Variants in CAMTA1 observed in about 807,000 individuals in gnomAD.
The protein encoded by CAMTA1 is calmodulin binding transcription activator 1.
Under a neutral mutation model 170.9 loss-of-function variants are expected in CAMTA1, and 27 were observed. The ratio of observed to expected loss-of-function variants is 0.16; its 90% CI spans 0.12 to 0.22. The LOEUF is 0.22. CAMTA1 is among the 10% of genes least tolerant of loss of function. The probability of loss-of-function intolerance (pLI) is 1.00; values close to 1 mark genes in which losing one functional copy is unlikely to be tolerated. For missense variants in CAMTA1, 1,619 were observed against 2,217.2 expected (o/e 0.73, Z 5.42); for synonymous variants, 833 against 891.5 (o/e 0.93, Z 1.17).
At chr1:7,265,966 T>G (rs1668857488) in intron 5 of CAMTA1, among the ~76,000 whole-genome samples, 1 of 152,222 alleles carries the variant, frequency 6.6e-6, no homozygotes, top group Non-Finnish European at 1.5e-5. Flanking sequence ...GAAAGGCACC[T>G]GGGAGAACAA....
intron 4 of CAMTA1, among the ~76,000 whole-genome samples, chr1:7,142,590 G>A (rs1016322711): frequency 2.6e-5 from 4 of 152,168 alleles, no homozygotes; most frequent in South Asian, 2.1e-4. Context: ...TCATCCTTGC[G>A]GTAATGAGTG....
chr1:6,965,080 G>A lies in CAMTA1; in HGVS notation c.235-126224G>A, dbSNP rs1691280486. ...ACTTGCCTGACCCTCTCTTACTTGG[G>A]TGCATGGTGCTGGCAAGGAAGAAGC... On this transcript the variant is annotated intron_variant, in intron 3 of 22. Transcript: ENST00000303635. The surrounding 1 kb of genome is among the most constrained non-coding windows in gnomAD (Gnocchi z 4.1). 6.6e-6 allele frequency among the ~76,000 whole-genome samples: 1 copy of A among 152,212 alleles called. No homozygotes were observed.
chr1:7,131,322 G>A (rs1645239640), intron 4 of CAMTA1, among the ~76,000 whole-genome samples: 1 of 152,024 alleles, frequency 6.6e-6, no homozygotes, highest in Non-Finnish European at 1.5e-5. Flanking sequence ...AAAATTTGTT[G>A]ACTATTTTTT....
intron 3 of CAMTA1, among the ~76,000 whole-genome samples, chr1:7,000,364 G>A: frequency 6.6e-6 from 1 of 152,348 alleles, no homozygotes; most frequent in East Asian, 1.9e-4. Flanking sequence ...ACCAGCCCCT[G>A]CGTCAGCCAC....
At chr1:7,741,572 A>AG in intron 16 of CAMTA1, among the ~76,000 whole-genome samples, 1 of 152,032 alleles carries the variant, frequency 6.6e-6, no homozygotes, top group East Asian at 1.9e-4. Context: ...AAAAAAAAAA[A>AG]AATGTTAAGT....
At chr1:7,192,572 G>A in intron 4 of CAMTA1, among the ~76,000 whole-genome samples, 1 of 152,218 alleles carries the variant, frequency 6.6e-6, no homozygotes, top group East Asian at 1.9e-4. Context: ...AACTGTCTGT[G>A]CTTGTGGCCG....
At chr1:6,945,708 A>G (rs1687457110) in intron 3 of CAMTA1, among the ~76,000 whole-genome samples, 1 of 152,098 alleles carries the variant, frequency 6.6e-6, no homozygotes, top group African/African-American at 2.4e-5. Context: ...TTCTGTCTCT[A>G]TAGATTTGCC....
At chr1:7,040,392 T>C (rs1704256913) in intron 3 of CAMTA1, among the ~76,000 whole-genome samples, 1 of 152,212 alleles carries the variant, frequency 6.6e-6, no homozygotes, top group Non-Finnish European at 1.5e-5. Context: ...TGACGGACTG[T>C]AATGGTTGCT....
chr1:6,910,864 C>T (rs1014324634), intron 3 of CAMTA1, among the ~76,000 whole-genome samples: 1 of 152,222 alleles, frequency 6.6e-6, no homozygotes, highest in African/African-American at 2.4e-5. Context: ...TGGACTTCAG[C>T]AGCTCAGAAC....
Position 7,426,044 on chromosome 1 carries a change from C to T in CAMTA1, c.439-41786C>T, listed in dbSNP as rs939790877. On this transcript the variant is annotated intron_variant, in intron 5 of 22. Coordinates refer to ENST00000303635, the MANE Select transcript of CAMTA1 (RefSeq NM_015215.4). The surrounding 1 kb of genome is among the most constrained non-coding windows in gnomAD (Gnocchi z 4.8). ...CATGCTTGAGATCACAGGTGAGCTG[C>T]GGTCCTGGAAAAGGTGGCAGGGTAG... Among the ~76,000 whole-genome samples, 1 of 152,330 alleles carries T rather than the reference C, an allele frequency of 6.6e-6. No homozygotes were observed. Among genetic ancestry groups the T allele is most frequent in the Middle Eastern group, 3.4e-3 (1 of 294 alleles).
intron 3 of CAMTA1, among the ~76,000 whole-genome samples, chr1:7,034,443 G>A (rs1004474206): frequency 3.3e-5 from 5 of 152,178 alleles, no homozygotes; most frequent in African/African-American, 9.7e-5. Flanking sequence ...CGTGAGCCAC[G>A]TGCCCAGCCG....
In CAMTA1 at chr1:6,971,854, A is replaced by C. The variant is rs954514274; in HGVS notation, c.235-119450A>C. On this transcript the variant is annotated intron_variant, in intron 3 of 22. Transcript: ENST00000303635. This position sits in a 1 kb window ranked among gnomAD's most constrained non-coding sequence, Gnocchi z 4.6. ...CCAGGTGTGACTTGGCTCCGCTGCC[A>C]TTGGCGTCAGCAAGGCCCGTCAGCC... is the stretch of plus-strand genomic sequence containing the variant. Among the ~76,000 whole-genome samples the C allele has an allele frequency of 6.6e-6, 1 of 152,314 alleles. No homozygotes were observed. The highest frequency in any genetic ancestry group is 1.9e-4 in the East Asian group (1 of 5,182).
intron 3 of CAMTA1, among the ~76,000 whole-genome samples, chr1:6,982,004 A>G (rs1694518299): frequency 6.6e-6 from 1 of 152,258 alleles, no homozygotes; most frequent in Non-Finnish European, 1.5e-5. Context: ...TGCTGGGATT[A>G]CAGGCATAAT....
At chr1:7,558,328 G>A (rs2094908858) in intron 6 of CAMTA1, among the ~76,000 whole-genome samples, 1 of 152,184 alleles carries the variant, frequency 6.6e-6, no homozygotes, top group Admixed American at 6.5e-5. Context: ...GCAGGAAGAG[G>A]GGGGTCAAGG....
At chr1:6,926,439 TC>T (rs1683160378) in intron 3 of CAMTA1, among the ~76,000 whole-genome samples, 3 of 6,204 alleles carry the variant, frequency 4.8e-4, no homozygotes, top group Non-Finnish European at 1.0e-3. Context: ...CTTTCTTTTC[TC>T]TTTCTTTCTT....
chr1:7,384,837 G>T (rs186206719), intron 5 of CAMTA1, among the ~76,000 whole-genome samples: 2 of 152,048 alleles, frequency 1.3e-5, no homozygotes, highest in African/African-American at 2.4e-5. Flanking sequence ...GAAAGACTCC[G>T]GGGACATGTC....
At chr1:6,977,577 G>A (rs544882283) in intron 3 of CAMTA1, among the ~76,000 whole-genome samples, 1 of 152,206 alleles carries the variant, frequency 6.6e-6, no homozygotes, top group South Asian at 2.1e-4. Context: ...CCTGACCTTG[G>A]GATCCACTCG....
rs1457159750 is a variant in CAMTA1, at chr1:7,493,423, A to ATG, written c.510+25522_510+25523insTG. Among the ~76,000 whole-genome samples the ATG allele has an allele frequency of 4.5e-5, 4 of 88,644 alleles. No individual in the cohort carries two copies. The East Asian group carries it at 1.9e-3, about 42-fold the overall frequency. The allele number at this position is 88,644 out of a possible 152,430, so 58.2% of individuals were successfully genotyped here. The stretch of plus-strand genomic sequence containing the variant: ...CACACAAAAACACAAACCTACATAC[A>ATG]CACATGCACACACAAACATACAAAC... On this transcript the variant is annotated intron_variant, in intron 6 of 22. Transcript: ENST00000303635.
chr1:7,674,265 G>A lies in CAMTA1; in HGVS notation c.2779+3228G>A, dbSNP rs2096090217. ...GGCAGGAGACACGCAGGCACTGAGTGTGTCTTCTGCAAGACTCCAGGGTGC... is the reference window on the plus strand; with the variant it reads ...GGCAGGAGACACGCAGGCACTGAGTATGTCTTCTGCAAGACTCCAGGGTGC... On this transcript the variant is annotated intron_variant, in intron 10 of 22. Transcript: ENST00000303635. The surrounding 1 kb of genome is among the most constrained non-coding windows in gnomAD (Gnocchi z 4.1). 6.6e-6 allele frequency among the ~76,000 whole-genome samples: 1 copy of A among 152,172 alleles called. No individual in the cohort carries two copies. The highest frequency in any genetic ancestry group is 6.5e-5 in the Admixed American group (1 of 15,280).
Sources: gnomAD v4.1 joint callset for allele counts (sites outside exome capture counted in the v4.1 genomes callset) on GRCh38, gnomAD v4.1.1 for gene constraint, Gnocchi (gnomAD v3.1) non-coding constraint, MANE v1.5 for transcripts, NCBI Gene and HGNC (gene_info 2026-07-23, HGNC 2026-07-21) for gene names.